TMEM74: variants seen among roughly 807,000 people sequenced by gnomAD.
The protein encoded by TMEM74 is transmembrane protein 74.
A neutral mutation model predicts 18.1 loss-of-function variants in TMEM74; 13 were observed. The observed-to-expected ratio is 0.72, with a 90% CI of 0.47 to 1.14. The LOEUF is 1.14. Among genes scored for constraint, TMEM74 ranks in the 50% most tolerant of loss-of-function variants. The pLI, the probability that TMEM74 is intolerant of heterozygous loss-of-function variation, is 0.00. For synonymous variants in TMEM74, 159 were observed against 146.6 expected (o/e 1.08, Z -0.61); for missense variants, 372 against 375.9 (o/e 0.99, Z 0.09).
Position 108,655,069 on chromosome 8 carries a change from G to T in TMEM74, n.264+224C>A, listed in dbSNP as rs1488508823. Among the ~76,000 whole-genome samples the T allele has an allele frequency of 2.0e-5, 3 of 152,158 alleles. No individual in the cohort carries two copies. In the East Asian group the frequency reaches 5.8e-4, roughly 29 times the overall value. On this transcript the variant is annotated intron_variant and non_coding_transcript_variant, in intron 2 of 3. Coordinates refer to the TMEM74 transcript ENST00000518838. ...ATTTTCCTTTGACCTAACATATCTT[G>T]TAAAATCTTGTACTTTCTTTTTCCT...
At chr8:108,786,631 C>T (rs1814388986) in intron 1 of TMEM74, among the ~76,000 whole-genome samples, 1 of 152,146 alleles carries the variant, frequency 6.6e-6, no homozygotes, top group Non-Finnish European at 1.5e-5. Context: ...CAAAAAACAA[C>T]AGGGCAAAAG....
Position 108,678,671 on chromosome 8 carries a change from C to CT in TMEM74, n.120-23235dup, listed in dbSNP as rs970538668. Among the ~76,000 whole-genome samples the CT allele has an allele frequency of 5.1e-4, 75 of 145,670 alleles. No individual in the cohort carries two copies. The East Asian group carries it at 0.011, about 21-fold the overall frequency. On this transcript the variant is annotated intron_variant and non_coding_transcript_variant, in intron 1 of 3. Coordinates refer to the TMEM74 transcript ENST00000518838. ...GTCATGCCCAATTTGCTTAGGTTCT[C>CT]TTTTTTTTTTCTTATAAAGCTGACT...
chr8:108,658,925 A>C (rs189994492), intron 1 of TMEM74, among the ~76,000 whole-genome samples: 161 of 152,302 alleles, frequency 1.1e-3, no homozygotes, highest in Non-Finnish European at 2.0e-3. Context: ...AAAAGTAATC[A>C]ATGAAAGAAA....
intron 1 of TMEM74, among the ~76,000 whole-genome samples, chr8:108,716,616 CTAT>C (rs1304934747): frequency 5.3e-5 from 8 of 151,740 alleles, no homozygotes; most frequent in African/African-American, 1.5e-4. Context: ...GCATATTCAT[CTAT>C]TAAATGAGTA....
intron 2 of TMEM74, among the ~76,000 whole-genome samples, chr8:108,646,512 C>A (rs192971490): frequency 6.6e-5 from 10 of 152,170 alleles, no homozygotes; most frequent in African/African-American, 2.4e-4. Flanking sequence ...TGGGTGAGTT[C>A]ATGAATAAGT....
chr8:108,707,895 T>G lies in TMEM74; in HGVS notation n.120-52458A>C, dbSNP rs866332160. Among the ~76,000 whole-genome samples, 1,137 of 152,304 alleles carry G rather than the reference T, an allele frequency of 7.5e-3. 14 individuals are homozygous for G. Among genetic ancestry groups the G allele is most frequent in the Admixed American group, 0.01 (154 of 15,294 alleles). On this transcript the variant is annotated intron_variant and non_coding_transcript_variant, in intron 1 of 3. Transcript: ENST00000518838. Reference sequence around the variant, plus strand: ...TACCAGCAAAGGATGTTTTAACTTTTAGGTTCAGGGGTACACATCAGGTTT... The same window carrying G: ...TACCAGCAAAGGATGTTTTAACTTTGAGGTTCAGGGGTACACATCAGGTTT...
intron 1 of TMEM74, among the ~76,000 whole-genome samples, chr8:108,685,733 A>T (rs1813161122): frequency 6.6e-6 from 1 of 152,186 alleles, no homozygotes; most frequent in Non-Finnish European, 1.5e-5. Flanking sequence ...TTTGCATACA[A>T]TAGAATTGTC....
intron 2 of TMEM74, among the ~76,000 whole-genome samples, chr8:108,631,027 T>G (rs1812547362): frequency 6.6e-6 from 1 of 151,922 alleles, no homozygotes; most frequent in African/African-American, 2.4e-5. Flanking sequence ...GAAATTCACT[T>G]CATGTGCACA....
chr8:108,733,434 G>A (rs748075951), intron 1 of TMEM74, among the ~76,000 whole-genome samples: 1 of 152,144 alleles, frequency 6.6e-6, no homozygotes, highest in Non-Finnish European at 1.5e-5. Flanking sequence ...GTTAGAATAA[G>A]CCAAAATAAT....
Position 108,684,815 on chromosome 8 carries a change from C to T in TMEM74, n.120-29378G>A, listed in dbSNP as rs184862548. Among the ~76,000 whole-genome samples, 5 of 151,608 alleles carry T rather than the reference C, an allele frequency of 3.3e-5. No individual in the cohort carries two copies. In the East Asian group the frequency reaches 9.7e-4, roughly 29 times the overall value. ...CTAGTTTTAGTCATTTATGCCAGTACCATGCTGTTATGGTTACTACAGCTT... is the reference window on the plus strand; with the variant it reads ...CTAGTTTTAGTCATTTATGCCAGTATCATGCTGTTATGGTTACTACAGCTT... On this transcript the variant is annotated intron_variant and non_coding_transcript_variant, in intron 1 of 3. Coordinates refer to the TMEM74 transcript ENST00000518838.
At chr8:108,642,690 G>T (rs573019807) in intron 2 of TMEM74, among the ~76,000 whole-genome samples, 1 of 152,220 alleles carries the variant, frequency 6.6e-6, no homozygotes, top group East Asian at 1.9e-4. Context: ...ACTAGCAGAA[G>T]ACCTAAAAAT....
intron 1 of TMEM74, among the ~76,000 whole-genome samples, chr8:108,682,118 T>C (rs1813120779): frequency 6.6e-6 from 1 of 152,194 alleles, no homozygotes; most frequent in Admixed American, 6.6e-5. Flanking sequence ...ACAAAATTTC[T>C]GGTTGTAACT....
intron 1 of TMEM74, among the ~76,000 whole-genome samples, chr8:108,728,215 G>A (rs1283030852): frequency 6.6e-6 from 1 of 152,160 alleles, no homozygotes; most frequent in African/African-American, 2.4e-5. Context: ...CCCTTTTAAA[G>A]TGGAATAAAT....
chr8:108,690,679 G>A (rs556578862), intron 1 of TMEM74, among the ~76,000 whole-genome samples: 12 of 152,064 alleles, frequency 7.9e-5, no homozygotes, highest in East Asian at 1.9e-4. Context: ...AAAATTAGCC[G>A]GGCATGGTGG....
intron 3 of TMEM74, chr8:108,608,726 T>C (rs1471706647): frequency 6.6e-6 from 1 of 152,168 alleles, no homozygotes; most frequent in Admixed American, 6.5e-5. Context: ...CCACCTTGAG[T>C]GAGCCCATTA....
chr8:108,614,519 A>G (rs988858433), intron 2 of TMEM74, among the ~76,000 whole-genome samples: 13 of 152,234 alleles, frequency 8.5e-5, no homozygotes, highest in African/African-American at 3.1e-4. Context: ...AGAATGACCT[A>G]GAATATTCGA....
rs1229834295 is a variant in TMEM74, at chr8:108,780,845, G to C, written c.*3336C>G. Among the ~76,000 whole-genome samples, 1 of 152,072 alleles carries C rather than the reference G, an allele frequency of 6.6e-6. No individual in the cohort carries two copies. Among genetic ancestry groups the C allele is most frequent in the African/African-American group, 2.4e-5 (1 of 41,404 alleles). ...ACGAAAAGCTGTTCTTTATATGAGG[G>C]GCCAGTACATCTTATTATGTGATCT... On this transcript the variant is annotated 3_prime_UTR_variant, in exon 2 of 2. Coordinates refer to ENST00000297459, the MANE Select transcript of TMEM74 (RefSeq NM_153015.3).
chr8:108,664,370 T>G (rs1199361843), intron 1 of TMEM74, among the ~76,000 whole-genome samples: 2 of 152,162 alleles, frequency 1.3e-5, no homozygotes, highest in Non-Finnish European at 2.9e-5. Context: ...TCTAAATATT[T>G]TATTCTTTTT....
intron 1 of TMEM74, among the ~76,000 whole-genome samples, chr8:108,689,027 A>G (rs1175643380): frequency 6.6e-6 from 1 of 152,184 alleles, no homozygotes; most frequent in Non-Finnish European, 1.5e-5. Flanking sequence ...AAGCTACTAA[A>G]GCTCCAAGCA....
Sources: allele counts gnomAD v4.1 joint callset (sites outside exome capture counted in the v4.1 genomes callset), GRCh38; gene constraint gnomAD v4.1.1; transcripts MANE v1.5; gene names NCBI Gene and HGNC (gene_info 2026-07-23, HGNC 2026-07-21).